ANK2: variants seen among roughly 807,000 people sequenced by gnomAD.
ANK2 encodes the protein ankyrin 2, also known as ankyrin-2.
Under a neutral mutation model 360.5 loss-of-function variants are expected in ANK2, and 83 were observed. The ratio of observed to expected loss-of-function variants is 0.23; its 90% CI spans 0.19 to 0.28. The LOEUF (loss-of-function observed/expected upper bound fraction) is 0.28. ANK2 is among the 10% of genes least tolerant of loss of function. The probability of loss-of-function intolerance (pLI) is 1.00; values close to 1 mark genes in which losing one functional copy is unlikely to be tolerated. For synonymous variants in ANK2, 1,740 were observed against 1,759.5 expected (o/e 0.99, Z 0.28); for missense variants, 4,201 against 4,795.7 (o/e 0.88, Z 3.66).
At chr4:113,018,203 T>C (rs2057151015) in intron 2 of ANK2, among the ~76,000 whole-genome samples, 1 of 152,198 alleles carries the variant, frequency 6.6e-6, no homozygotes, top group Non-Finnish European at 1.5e-5. Context: ...ATTAATGATA[T>C]AAAACACAGG....
intron 26 of ANK2, among the ~76,000 whole-genome samples, chr4:113,319,699 T>C (rs1215045670): frequency 6.6e-6 from 1 of 152,098 alleles, no homozygotes; most frequent in Admixed American, 6.5e-5. Flanking sequence ...TTTTTCCTTG[T>C]TAAATAAGTA....
chr4:113,006,780 CT>C lies in ANK2; in HGVS notation c.21+102270del, dbSNP rs534432198. Reference sequence around the variant, plus strand: ...CTTAAAAGCATCTTCATTTCAGCATCTTTTGGTCTAGTGTTATCTTTTCCCT... The same window carrying C: ...CTTAAAAGCATCTTCATTTCAGCATCTTTGGTCTAGTGTTATCTTTTCCCT... On this transcript the variant is annotated intron_variant, in intron 2 of 30. Transcript: ENST00000503271. Among the ~76,000 whole-genome samples the C allele has an allele frequency of 9.3e-4, 142 of 152,254 alleles. 1 individual carries two copies. Among genetic ancestry groups the C allele is most frequent in the African/African-American group, 3.3e-3 (137 of 41,550 alleles).
At chr4:113,113,184 CT>C (rs11459209) in intron 1 of ANK2, among the ~76,000 whole-genome samples, 12 of 116,202 alleles carry the variant, frequency 1.0e-4, no homozygotes, top group South Asian at 2.9e-4. Flanking sequence ...TGAGCACATT[CT>C]TTTTTTTTTT....
chr4:112,812,569 C>A, the ANK2 span, among the ~76,000 whole-genome samples: 1 of 152,140 alleles, frequency 6.6e-6, no homozygotes, highest in Non-Finnish European at 1.5e-5. Flanking sequence ...GTGAATGAAC[C>A]CTCAGAGGAT....
intron 1 of ANK2, among the ~76,000 whole-genome samples, chr4:112,851,913 C>T (rs2065094996): frequency 6.6e-6 from 1 of 152,216 alleles, no homozygotes; most frequent in African/African-American, 2.4e-5. Context: ...TGAGCCACCG[C>T]ACCTGGCCAC....
rs115226755 is a variant in ANK2, at chr4:113,151,360, C to T, written c.85-23056C>T. Among the ~76,000 whole-genome samples, 345 of 152,310 alleles carry T rather than the reference C, an allele frequency of 2.3e-3. 1 individual carries two copies. Among genetic ancestry groups the T allele is most frequent in the African/African-American group, 7.9e-3 (330 of 41,566 alleles). ...AGCTGTACAAGAAGCATTGCACCAG[C>T]ATCTGCTTTTGGTGAGGGCTTCAGG... On this transcript the variant is annotated intron_variant, in intron 1 of 45. Coordinates refer to ENST00000357077, the MANE Select transcript of ANK2 (RefSeq NM_001148.6).
chr4:113,252,225 A>G (rs2046850848), intron 10 of ANK2, among the ~76,000 whole-genome samples: 1 of 152,168 alleles, frequency 6.6e-6, no homozygotes, highest in Non-Finnish European at 1.5e-5. Flanking sequence ...AGACTTATTC[A>G]CTACCACGAG....
intron 1 of ANK2, among the ~76,000 whole-genome samples, chr4:112,876,838 A>G (rs999329510): frequency 1.3e-5 from 2 of 152,132 alleles, no homozygotes; most frequent in Admixed American, 6.5e-5. Flanking sequence ...AGATACCACA[A>G]AGTCTAGGTT....
intron 4 of ANK2, among the ~76,000 whole-genome samples, chr4:113,226,445 A>G (rs1283356997): frequency 6.6e-6 from 1 of 151,938 alleles, no homozygotes; most frequent in Non-Finnish European, 1.5e-5. Flanking sequence ...CTGTGTCTTC[A>G]GTGTCTTCCA....
At chr4:112,767,566 C>CAATAAATAAATAAATAAATAAATA in the ANK2 span, among the ~76,000 whole-genome samples, 122 of 144,806 alleles carry the variant, frequency 8.4e-4, 2 homozygotes, top group Middle Eastern at 0.01. Flanking sequence ...GACCCTGTCT[C>CAATAAATAAATAAATAAATAAATA]AATAAATAAA....
intron 2 of ANK2, among the ~76,000 whole-genome samples, chr4:112,922,917 A>C (rs933621640): frequency 8.5e-5 from 13 of 152,214 alleles, no homozygotes; most frequent in Non-Finnish European, 1.8e-4. Context: ...TATTATTATA[A>C]AAGATAAGTT....
intron 1 of ANK2, among the ~76,000 whole-genome samples, chr4:113,074,098 T>G (rs1313871650): frequency 6.6e-6 from 1 of 152,258 alleles, no homozygotes; most frequent in African/African-American, 2.4e-5. Context: ...GTGAAGGATT[T>G]GCTCTATTAT....
chr4:112,803,145 T>A, the ANK2 span, among the ~76,000 whole-genome samples: 5 of 152,334 alleles, frequency 3.3e-5, no homozygotes, highest in African/African-American at 1.2e-4. Flanking sequence ...CCCTCGAGAA[T>A]ATCTATCATA....
intron 23 of ANK2, 67 bp downstream of exon 23, chr4:113,302,906 T>G: frequency 7.5e-7 from 1 of 1,341,506 alleles, no homozygotes; most frequent in Non-Finnish European, 1.1e-6. Context: ...TTACCCTTTT[T>G]TTCAGAGACC....
chr4:113,319,281 AG>A (rs2084678463), intron 26 of ANK2, among the ~76,000 whole-genome samples: 1 of 152,074 alleles, frequency 6.6e-6, no homozygotes, highest in Non-Finnish European at 1.5e-5. Context: ...GTTGTTCTTA[AG>A]GTGTTCAGTT....
At chr4:113,166,923 A>T (rs1583598543) in intron 1 of ANK2, among the ~76,000 whole-genome samples, 1 of 152,142 alleles carries the variant, frequency 6.6e-6, no homozygotes, top group Non-Finnish European at 1.5e-5. Flanking sequence ...CAATTTTTGT[A>T]ATTACAAAGC....
intron 4 of ANK2, among the ~76,000 whole-genome samples, chr4:113,199,701 C>T (rs1428261783): frequency 2.0e-5 from 3 of 151,936 alleles, no homozygotes; most frequent in Non-Finnish European, 4.4e-5. Context: ...TTGCCCAAAG[C>T]TTTACTCTTG....
At chr4:112,779,451 G>C in the ANK2 span, among the ~76,000 whole-genome samples, 1 of 152,082 alleles carries the variant, frequency 6.6e-6, no homozygotes, top group Admixed American at 6.5e-5. Flanking sequence ...CCCGGGAGAC[G>C]GAGCTCGTGG....
At chr4:113,044,242 G>A (rs1475441730) in intron 2 of ANK2, among the ~76,000 whole-genome samples, 2 of 152,128 alleles carry the variant, frequency 1.3e-5, no homozygotes, top group Non-Finnish European at 2.9e-5. Context: ...ATAAAAAAGG[G>A]AATAAGAAGG....
Sources: gnomAD v4.1 joint callset for allele counts (sites outside exome capture counted in the v4.1 genomes callset) on GRCh38, gnomAD v4.1.1 for gene constraint, MANE v1.5 for transcripts, NCBI Gene and HGNC (gene_info 2026-07-23, HGNC 2026-07-21) for gene names.